Variants in ARHGEF7 observed in about 807,000 individuals in gnomAD.
The protein encoded by ARHGEF7 is PAK-interacting exchange factor beta.
Under a neutral mutation model 109.8 loss-of-function variants are expected in ARHGEF7, and 33 were observed. That is an observed-to-expected ratio of 0.30 (90% CI 0.23 to 0.40). ARHGEF7 has a LOEUF of 0.40. Ranked by LOEUF, ARHGEF7 falls within the 10% of genes least tolerant of loss-of-function variation. The pLI is 1.00. For missense variants in ARHGEF7, 938 were observed against 1,098.5 expected (o/e 0.85, Z 2.07); for synonymous variants, 458 against 424.6 (o/e 1.08, Z -0.97).
intron 1 of ARHGEF7, among the ~76,000 whole-genome samples, chr13:111,124,621 T>C (rs2067433838): frequency 6.6e-6 from 1 of 152,230 alleles, no homozygotes; most frequent in South Asian, 2.1e-4. Context: ...GACAGGTGGC[T>C]TGTCTACCAC....
chr13:111,181,623 G>A (rs1016435815), intron 2 of ARHGEF7, among the ~76,000 whole-genome samples: 1 of 152,198 alleles, frequency 6.6e-6, no homozygotes, highest in Non-Finnish European at 1.5e-5. Flanking sequence ...AGTGTCTTGA[G>A]CTGGGTGCCT....
At chr13:111,157,167 C>T (rs1300093539) in intron 2 of ARHGEF7, among the ~76,000 whole-genome samples, 1 of 152,066 alleles carries the variant, frequency 6.6e-6, no homozygotes, top group Non-Finnish European at 1.5e-5. Flanking sequence ...CTTTGAGAAG[C>T]ACTGGGTTTT....
rs1379912908 is a variant in ARHGEF7, at chr13:111,145,431, G to A, written c.166-8474G>A. Among the ~76,000 whole-genome samples the A allele has an allele frequency of 1.3e-5, 2 of 152,196 alleles. No homozygotes were observed. The highest frequency in any genetic ancestry group is 6.5e-5 in the Admixed American group (1 of 15,282). On this transcript the variant is annotated intron_variant, in intron 1 of 21. Transcript: ENST00000646102. The surrounding 1 kb of genome is among the most constrained non-coding windows in gnomAD (Gnocchi z 4.3). Reference sequence around the variant, plus strand: ...CATTAACTCTCCCTGACCCCGAAGCGAAAGGTCAAGGGAAGGAGGGTTTCT... The same window carrying A: ...CATTAACTCTCCCTGACCCCGAAGCAAAAGGTCAAGGGAAGGAGGGTTTCT...
chr13:111,304,727 G>A lies in ARHGEF7; in HGVS notation c.*1614G>A, dbSNP rs1167239303. The A allele has an allele frequency of 6.6e-6, 1 of 152,278 alleles. No homozygotes were observed. The highest frequency in any genetic ancestry group is 1.9e-4 in the East Asian group (1 of 5,194). 9.4% of individuals were successfully genotyped at this position (152,278 alleles called of 1,614,324 possible). A position where few individuals can be genotyped will look rare whatever the true frequency, so the allele number is the denominator to read the frequency against. On this transcript the variant is annotated 3_prime_UTR_variant, in exon 22 of 22. Coordinates refer to ENST00000646102, the MANE Select transcript of ARHGEF7 (RefSeq NM_001354046.2). Reference sequence around the variant, plus strand: ...CCTTCCGTGACTGGTCACGTTGTCTGCCTGGGCTCAGCGTGGACCTGCCCC... The same window carrying A: ...CCTTCCGTGACTGGTCACGTTGTCTACCTGGGCTCAGCGTGGACCTGCCCC...
intron 2 of ARHGEF7, among the ~76,000 whole-genome samples, chr13:111,190,787 G>T (rs866003419): frequency 6.6e-6 from 1 of 152,308 alleles, no homozygotes; most frequent in Admixed American, 6.5e-5. Context: ...GATATAGGTC[G>T]ATGTTCCACA....
intron 8 of ARHGEF7, among the ~76,000 whole-genome samples, chr13:111,259,693 A>G (rs576469767): frequency 6.6e-6 from 1 of 152,230 alleles, no homozygotes; most frequent in Non-Finnish European, 1.5e-5. Context: ...ATAAACACCT[A>G]GCTCTTCAAC....
At position 111,272,763 on chromosome 13, in the gene ARHGEF7, A is replaced by T. The variant is rs1049890439; in HGVS notation, c.1074-1051A>T. 6.6e-6 allele frequency among the ~76,000 whole-genome samples: 1 copy of T among 152,094 alleles called. No individual in the cohort carries two copies. Among genetic ancestry groups the T allele is most frequent in the Admixed American group, 6.5e-5 (1 of 15,270 alleles). ...CTTTCTGTGGGCTGTACACTGTCAGATGTGTGGACTGATGGCACATGCAAT... is the reference window on the plus strand; with the variant it reads ...CTTTCTGTGGGCTGTACACTGTCAGTTGTGTGGACTGATGGCACATGCAAT... On this transcript the variant is annotated intron_variant, in intron 9 of 21. Transcript: ENST00000646102. This position sits in a 1 kb window ranked among gnomAD's most constrained non-coding sequence, Gnocchi z 5.2.
chr13:111,269,779 G>A (rs1337382498), intron 9 of ARHGEF7, among the ~76,000 whole-genome samples: 1 of 152,210 alleles, frequency 6.6e-6, no homozygotes, highest in Admixed American at 6.5e-5. Context: ...AGTTCCCGCT[G>A]TGTTGGCCAC....
In ARHGEF7 at chr13:111,131,531, G is replaced by A. The variant is rs2074752630; in HGVS notation, c.165+15840G>A. 6.6e-6 allele frequency among the ~76,000 whole-genome samples: 1 copy of A among 152,180 alleles called. No individual in the cohort carries two copies. The highest frequency in any genetic ancestry group is 1.5e-5 in the Non-Finnish European group (1 of 68,032). ...TGTACTGAAGCTGAAGGACTTGTGA[G>A]GTTTCTTACAGGGCAGTTAAAGTGC... On this transcript the variant is annotated intron_variant, in intron 1 of 21. Transcript: ENST00000646102. The surrounding 1 kb of genome is among the most constrained non-coding windows in gnomAD (Gnocchi z 4.4).
rs148030864 is a variant in ARHGEF7 at position 111,194,004 on chromosome 13, T to C, written c.253-11285T>C. Among the ~76,000 whole-genome samples, 142 of 152,340 alleles carry C rather than the reference T, an allele frequency of 9.3e-4. 2 individuals carry two copies. In the East Asian group the frequency reaches 0.022, roughly 24 times the overall value. ...GCCATAAACTTCCTTTGGCACCTAG[T>C]ATGCCATTTACATCATGAGTAGTCC... On this transcript the variant is annotated intron_variant, in intron 2 of 21. Transcript: ENST00000646102.
chr13:111,219,162 A>T (rs1422758507), intron 5 of ARHGEF7, among the ~76,000 whole-genome samples: 1 of 152,128 alleles, frequency 6.6e-6, no homozygotes. Flanking sequence ...TGTTCCCATT[A>T]AACAGTCCCC....
chr13:111,219,862 A>T (rs2083600751), intron 5 of ARHGEF7, among the ~76,000 whole-genome samples: 1 of 152,132 alleles, frequency 6.6e-6, no homozygotes, highest in Non-Finnish European at 1.5e-5. Context: ...GAAGACAAGT[A>T]TTGCTGGGAT....
rs1170443589 is a variant in ARHGEF7, at chr13:111,159,058, A to G, written c.252+5067A>G. The G allele has an allele frequency of 1.1e-5, 8 of 718,472 alleles. No individual in the cohort carries two copies. In the South Asian group the frequency reaches 1.2e-4, roughly 11 times the overall value. 44.5% of individuals were successfully genotyped at this position (718,472 alleles called of 1,614,324 possible). ...TTTCCTCCTTCCCAGCCTCCTCAGC[A>G]TCTGGTAACCACCATTCTCTTGTCT... On this transcript the variant is annotated intron_variant, in intron 2 of 21. Coordinates refer to ENST00000646102, the MANE Select transcript of ARHGEF7 (RefSeq NM_001354046.2).
At chr13:111,221,210 T>C (rs1395282336) in intron 5 of ARHGEF7, among the ~76,000 whole-genome samples, 13 of 63,776 alleles carry the variant, frequency 2.0e-4, no homozygotes, top group Admixed American at 4.8e-4. Context: ...TATATAGATA[T>C]ATATGTCTAT....
chr13:111,277,383 C>G (rs2092550051), intron 12 of ARHGEF7, among the ~76,000 whole-genome samples: 1 of 152,322 alleles, frequency 6.6e-6, no homozygotes, highest in African/African-American at 2.4e-5. Context: ...AAAGCTCTCT[C>G]ATAATCATAT....
chr13:111,151,722 C>T (rs2075894611), intron 1 of ARHGEF7, among the ~76,000 whole-genome samples: 2 of 152,198 alleles, frequency 1.3e-5, no homozygotes, highest in Non-Finnish European at 2.9e-5. Context: ...TCTGTTAAGA[C>T]ACATCACAGC....
chr13:111,245,354 C>T (rs927524722), intron 8 of ARHGEF7, among the ~76,000 whole-genome samples: 3 of 151,990 alleles, frequency 2.0e-5, no homozygotes, highest in South Asian at 2.1e-4. Flanking sequence ...CACTTTTCGG[C>T]GTATGTCACA....
intron 21 of ARHGEF7, among the ~76,000 whole-genome samples, chr13:111,302,116 G>A (rs957554717): frequency 6.6e-6 from 1 of 152,112 alleles, no homozygotes; most frequent in Non-Finnish European, 1.5e-5. Flanking sequence ...CCTGCGAGGC[G>A]CCCCTGAGAT....
At chr13:111,206,725 G>A (rs1555365618) in intron 3 of ARHGEF7, among the ~76,000 whole-genome samples, 1 of 152,086 alleles carries the variant, frequency 6.6e-6, no homozygotes, top group Non-Finnish European at 1.5e-5. Flanking sequence ...ACTTTGGGAG[G>A]CCGAGGCGGG....
Sources: allele counts gnomAD v4.1 joint callset (sites outside exome capture counted in the v4.1 genomes callset), GRCh38; gene constraint gnomAD v4.1.1; non-coding constraint Gnocchi (gnomAD v3.1); transcripts MANE v1.5; gene names NCBI Gene and HGNC (gene_info 2026-07-23, HGNC 2026-07-21).